Variants in ANO4 observed in about 807,000 individuals in gnomAD.
ANO4 encodes the protein anoctamin-4.
A neutral mutation model predicts 141.9 loss-of-function variants in ANO4; 69 were observed. That is an observed-to-expected ratio of 0.49 (90% CI 0.40 to 0.59). ANO4 has a LOEUF of 0.59. Among genes scored for constraint, ANO4 ranks in the 20% least tolerant of loss-of-function variants. ANO4 has a pLI of 0.00. For missense variants in ANO4, 894 were observed against 1,162.2 expected (o/e 0.77, Z 3.36); for synonymous variants, 350 against 394.3 (o/e 0.89, Z 1.33).
In ANO4 at chr12:101,068,415, A is replaced by G. The variant is rs564399295; in HGVS notation, c.1313-10778A>G. The G allele has an allele frequency of 1.2e-4, 115 of 930,522 alleles. 1 individual carries two copies. The highest frequency in any genetic ancestry group is 1.1e-3 in the African/African-American group (71 of 62,040). The allele number at this position is 930,522 out of a possible 1,614,324, so 57.6% of individuals were successfully genotyped here. A position where few individuals can be genotyped will look rare whatever the true frequency, so the allele number is the denominator to read the frequency against. ...ATGAAATAAGAACTGGAAGCTGAGT[A>G]TCTCGCTGTTTTTAAGAAGACTGTG... is the stretch of plus-strand genomic sequence containing the variant. On this transcript the variant is annotated intron_variant, in intron 14 of 27. Transcript: ENST00000392977.
chr12:100,918,654 C>T (rs904099152), intron 2 of ANO4, among the ~76,000 whole-genome samples: 3 of 152,012 alleles, frequency 2.0e-5, no homozygotes, highest in African/African-American at 4.8e-5. Context: ...GTGGTGATGC[C>T]GGTGTAAACA....
intron 5 of ANO4, among the ~76,000 whole-genome samples, chr12:100,967,570 GACACACACACAC>G (rs3059289): frequency 0.04 from 5,922 of 149,232 alleles, 450 homozygotes; most frequent in African/African-American, 0.14. Flanking sequence ...ATGTAAAGAG[GACACACACACAC>G]ACACACACAC....
At chr12:100,905,523 G>A (rs111336622) in intron 2 of ANO4, among the ~76,000 whole-genome samples, 2 of 152,164 alleles carry the variant, frequency 1.3e-5, no homozygotes, top group South Asian at 2.1e-4. Flanking sequence ...AGAATTAGTC[G>A]ATTTTAGTAA....
chr12:101,124,988 T>A lies in ANO4; in HGVS notation c.2677-1891T>A, dbSNP rs936267951. Among the ~76,000 whole-genome samples, 5 of 152,290 alleles carry A rather than the reference T, an allele frequency of 3.3e-5. No homozygotes were observed. The South Asian group carries it at 8.3e-4, about 25-fold the overall frequency. Reference sequence around the variant, plus strand: ...TGGTTCCACATGAATTTTAAAAGAGTTTCTTCTAATTCTGTGAAGAGTGTC... The same window carrying A: ...TGGTTCCACATGAATTTTAAAAGAGATTCTTCTAATTCTGTGAAGAGTGTC... On this transcript the variant is annotated intron_variant, in intron 26 of 27. Transcript: ENST00000392977.
At chr12:101,010,845 C>T (rs528191166) in intron 8 of ANO4, among the ~76,000 whole-genome samples, 4 of 152,184 alleles carry the variant, frequency 2.6e-5, no homozygotes, top group Non-Finnish European at 4.4e-5. Flanking sequence ...TGCTACATAA[C>T]AATCTACTAC....
intron 3 of ANO4, among the ~76,000 whole-genome samples, chr12:100,786,018 C>T (rs2033863801): frequency 6.6e-6 from 1 of 152,172 alleles, no homozygotes; most frequent in South Asian, 2.1e-4. Context: ...TCTGCTTTCT[C>T]CTCTCAGCTC....
chr12:100,947,713 C>T (rs924341253), intron 5 of ANO4, among the ~76,000 whole-genome samples: 2 of 152,156 alleles, frequency 1.3e-5, no homozygotes, highest in African/African-American at 4.8e-5. Flanking sequence ...TTTTTATGCT[C>T]ACATTTATTA....
At chr12:100,962,083 A>G (rs540670490) in intron 5 of ANO4, among the ~76,000 whole-genome samples, 19 of 152,330 alleles carry the variant, frequency 1.2e-4, no homozygotes, top group African/African-American at 4.6e-4. Flanking sequence ...GCCCCTCAGC[A>G]CTGAACATCT....
chr12:100,746,037 C>T (rs1359390682), intron 3 of ANO4, among the ~76,000 whole-genome samples: 2 of 152,260 alleles, frequency 1.3e-5, no homozygotes. Flanking sequence ...ATTCAGAATT[C>T]CAGATACAGC....
At position 100,806,523 on chromosome 12, in the gene ANO4, C is replaced by CTTTTTTTTTTTTTTTTTTTTTTT. The variant is rs1593379234; in HGVS notation, c.-141+11496_-141+11497insTTTTTTTTTTTTTTTTTTTTTTT. Among the ~76,000 whole-genome samples, 45 of 44,966 alleles carry CTTTTTTTTTTTTTTTTTTTTTTT rather than the reference C, an allele frequency of 1.0e-3. 11 individuals are homozygous for CTTTTTTTTTTTTTTTTTTTTTTT. Among genetic ancestry groups the CTTTTTTTTTTTTTTTTTTTTTTT allele is most frequent in the East Asian group, 2.2e-3 (2 of 924 alleles). The allele number at this position is 44,966 out of a possible 152,430, so 29.5% of individuals were successfully genotyped here. On this transcript the variant is annotated intron_variant, in intron 1 of 27. Coordinates refer to ENST00000392977, the MANE Select transcript of ANO4 (RefSeq NM_001286615.2). ...TTTTTAGGAGGTTTTTTTTTTGTTT[C>CTTTTTTTTTTTTTTTTTTTTTTT]GTTTTTTTTTTTTTTTTTTTTTTTT...
chr12:100,870,594 C>G (rs1291736336), intron 1 of ANO4, among the ~76,000 whole-genome samples: 1 of 151,920 alleles, frequency 6.6e-6, no homozygotes, highest in Non-Finnish European at 1.5e-5. Flanking sequence ...TTATTTTAAT[C>G]CCTTATCCTG....
At position 100,993,087 on chromosome 12, in the gene ANO4, G is replaced by C. The variant is rs1033039284; in HGVS notation, c.734+5417G>C. Among the ~76,000 whole-genome samples, 332 of 152,222 alleles carry C rather than the reference G, an allele frequency of 2.2e-3. 3 individuals carry two copies. Among genetic ancestry groups the C allele is most frequent in the African/African-American group, 7.6e-3 (314 of 41,530 alleles). Reference sequence around the variant, plus strand: ...GCCTGTAGTCCCAGCTACTTGGGAGGTTGAGCTGGGAGGATCATTTGAGCC... The same window carrying C: ...GCCTGTAGTCCCAGCTACTTGGGAGCTTGAGCTGGGAGGATCATTTGAGCC... On this transcript the variant is annotated intron_variant, in intron 8 of 27. Transcript: ENST00000392977.
intron 1 of ANO4, among the ~76,000 whole-genome samples, chr12:100,822,531 G>A (rs950838713): frequency 9.9e-5 from 15 of 151,924 alleles, no homozygotes; most frequent in African/African-American, 1.2e-4. Context: ...ACATACACAC[G>A]CACATACACA....
chr12:100,859,770 C>T (rs1482777973), intron 1 of ANO4, among the ~76,000 whole-genome samples: 6 of 152,062 alleles, frequency 3.9e-5, no homozygotes, highest in South Asian at 2.1e-4. Flanking sequence ...AATCCTGGCA[C>T]CTGGCACTAG....
chr12:100,733,634 T>G, intron 1 of ANO4: 1 of 557,734 alleles, frequency 1.8e-6, no homozygotes, highest in South Asian at 2.4e-5. Flanking sequence ...CGTTGATGGG[T>G]GAACCACTGA....
At chr12:101,122,382 T>G (rs2051133203) in intron 26 of ANO4, among the ~76,000 whole-genome samples, 2 of 152,212 alleles carry the variant, frequency 1.3e-5, no homozygotes, top group African/African-American at 4.8e-5. Flanking sequence ...GTGCAGAAGC[T>G]CTTTAATTAG....
At chr12:100,795,692 T>C (rs2034264052) in intron 1 of ANO4, among the ~76,000 whole-genome samples, 1 of 152,202 alleles carries the variant, frequency 6.6e-6, no homozygotes, top group South Asian at 2.1e-4. Flanking sequence ...TTACAGGCTC[T>C]TCAGAGAGTG....
At chr12:100,908,894 T>C (rs2040969151) in intron 2 of ANO4, among the ~76,000 whole-genome samples, 1 of 152,236 alleles carries the variant, frequency 6.6e-6, no homozygotes, top group Non-Finnish European at 1.5e-5. Flanking sequence ...ATGTTTATCC[T>C]CCTTTGAGTT....
chr12:100,810,619 G>C (rs1357587874), intron 1 of ANO4, among the ~76,000 whole-genome samples: 1 of 152,122 alleles, frequency 6.6e-6, no homozygotes, highest in African/African-American at 2.4e-5. Flanking sequence ...GGTGGTGAGA[G>C]GTGGTAGAAC....
Sources: gnomAD v4.1 joint callset for allele counts (sites outside exome capture counted in the v4.1 genomes callset) on GRCh38, gnomAD v4.1.1 for gene constraint, MANE v1.5 for transcripts, NCBI Gene and HGNC (gene_info 2026-07-23, HGNC 2026-07-21) for gene names.